Variants in GRID2 observed in about 807,000 individuals in gnomAD.
GRID2 encodes glutamate receptor ionotropic, delta-2.
GRID2 carries 33 observed loss-of-function variants against 114.8 expected under a neutral mutation model. The ratio of observed to expected loss-of-function variants is 0.29; its 90% CI spans 0.22 to 0.38. The LOEUF is 0.38. GRID2 is among the 10% of genes least tolerant of loss of function. The pLI is 1.00. For synonymous variants in GRID2, 505 were observed against 449.9 expected (o/e 1.12, Z -1.55); for missense variants, 1,184 against 1,257.7 (o/e 0.94, Z 0.89).
chr4:92,825,250 A>T (rs1741606619), intron 2 of GRID2, among the ~76,000 whole-genome samples: 1 of 152,140 alleles, frequency 6.6e-6, no homozygotes, highest in African/African-American at 2.4e-5. Context: ...CATCCTATGA[A>T]CTCAAGGATG....
At chr4:92,703,204 A>C (rs1734768290) in intron 2 of GRID2, among the ~76,000 whole-genome samples, 1 of 152,218 alleles carries the variant, frequency 6.6e-6, no homozygotes. Flanking sequence ...AAATAAATGT[A>C]ATCTGAATAC....
At chr4:93,782,435 A>G (rs111860023) in intron 1 of GRID2, among the ~76,000 whole-genome samples, 143 of 152,316 alleles carry the variant, frequency 9.4e-4, no homozygotes, top group African/African-American at 3.3e-3. Context: ...CTGTAATTGT[A>G]TGCTTTTAGT....
At chr4:92,855,614 T>C (rs949357674) in intron 2 of GRID2, among the ~76,000 whole-genome samples, 4 of 151,902 alleles carry the variant, frequency 2.6e-5, no homozygotes, top group African/African-American at 9.7e-5. Flanking sequence ...TACTATACAC[T>C]AGTGTAATGG....
intron 2 of GRID2, among the ~76,000 whole-genome samples, chr4:92,921,056 CT>C (rs925348328): frequency 1.3e-5 from 2 of 151,984 alleles, no homozygotes; most frequent in East Asian, 1.9e-4. Context: ...TCTTTTTATT[CT>C]TTTTTTCTCT....
At chr4:93,381,767 T>C (rs978152297) in intron 8 of GRID2, among the ~76,000 whole-genome samples, 2 of 152,150 alleles carry the variant, frequency 1.3e-5, no homozygotes, top group African/African-American at 4.8e-5. Context: ...TTTAAATATA[T>C]CAGTTTCTTG....
At chr4:93,029,868 G>C (rs899410761) in intron 2 of GRID2, among the ~76,000 whole-genome samples, 2 of 152,164 alleles carry the variant, frequency 1.3e-5, no homozygotes, top group African/African-American at 4.8e-5. Context: ...CTTACTGGGA[G>C]AGTGTGATAA....
chr4:93,657,128 A>G (rs1462891814), intron 14 of GRID2, among the ~76,000 whole-genome samples: 7 of 152,140 alleles, frequency 4.6e-5, no homozygotes, highest in Non-Finnish European at 1.0e-4. Context: ...ACATCTATTT[A>G]AGAATAAGAA....
At chr4:93,320,587 A>G (rs1036902992) in intron 8 of GRID2, among the ~76,000 whole-genome samples, 2 of 152,110 alleles carry the variant, frequency 1.3e-5, no homozygotes, top group African/African-American at 4.8e-5. Flanking sequence ...TCTAAGGACT[A>G]TCTATGGACT....
chr4:92,410,908 C>T (rs953023290), intron 1 of GRID2, among the ~76,000 whole-genome samples: 1 of 117,894 alleles, frequency 8.5e-6, no homozygotes, highest in Non-Finnish European at 1.6e-5. Context: ...AGATTATAAA[C>T]AGTCTCACCT....
chr4:93,608,100 A>G (rs1578383524), intron 13 of GRID2, among the ~76,000 whole-genome samples: 1 of 136,302 alleles, frequency 7.3e-6, no homozygotes, highest in Non-Finnish European at 1.6e-5. Flanking sequence ...ACATATATGT[A>G]TATATACACA....
intron 13 of GRID2, among the ~76,000 whole-genome samples, chr4:93,560,843 G>T (rs1228495592): frequency 7.2e-5 from 11 of 151,888 alleles, no homozygotes; most frequent in Non-Finnish European, 1.6e-4. Flanking sequence ...GTTTTCTTTA[G>T]ATATTTTACC....
At chr4:92,688,153 G>T (rs1044422555) in intron 2 of GRID2, among the ~76,000 whole-genome samples, 1 of 145,016 alleles carries the variant, frequency 6.9e-6, no homozygotes, top group East Asian at 2.2e-4. Context: ...GGGTTCAAGC[G>T]CTTCTCCTGC....
intron 1 of GRID2, among the ~76,000 whole-genome samples, chr4:92,458,945 A>G (rs369034388): frequency 1.3e-5 from 2 of 152,192 alleles, no homozygotes; most frequent in African/African-American, 4.8e-5. Context: ...TGATCCCACA[A>G]CAGGAGATGA....
chr4:92,803,444 A>T (rs1192462598), intron 2 of GRID2, among the ~76,000 whole-genome samples: 6 of 152,012 alleles, frequency 3.9e-5, no homozygotes, highest in Admixed American at 2.0e-4. Context: ...AAGAAAATAT[A>T]TTATTTTGAT....
At chr4:92,406,879 G>T (rs904668442) in intron 1 of GRID2, among the ~76,000 whole-genome samples, 1 of 151,966 alleles carries the variant, frequency 6.6e-6, no homozygotes, top group African/African-American at 2.4e-5. Flanking sequence ...CAAAGGGCAT[G>T]ATTTTGTTCT....
chr4:93,533,073 T>TA (rs1348821458), intron 13 of GRID2, among the ~76,000 whole-genome samples: 1 of 152,192 alleles, frequency 6.6e-6, no homozygotes, highest in Non-Finnish European at 1.5e-5. Flanking sequence ...TATTCTCTAT[T>TA]AGTCATCCAG....
chr4:93,151,457 AGCAATAAGGGCAGAAATTAGACACC>A (rs1425686856), intron 4 of GRID2, among the ~76,000 whole-genome samples: 4 of 152,190 alleles, frequency 2.6e-5, no homozygotes, highest in African/African-American at 9.6e-5. Flanking sequence ...ACTTCAAACC[AGCAATAAGGGCAGAAATTAGACACC>A]GCCTTCTTTA....
chr4:92,438,724 C>T (rs1732860056), intron 1 of GRID2, among the ~76,000 whole-genome samples: 1 of 152,064 alleles, frequency 6.6e-6, no homozygotes, highest in Non-Finnish European at 1.5e-5. Context: ...GAATCCCAGT[C>T]GTTCTAGGAG....
Position 93,695,289 on chromosome 4 carries a change from T to C in GRID2, c.2360+68854T>C, listed in dbSNP as rs80273732. ...GCCTCAACCTCGTGTATTTTTTAAT[T>C]CATCCAGAATTTACCTAATACTCAT... On this transcript the variant is annotated intron_variant, in intron 14 of 15. Transcript: ENST00000282020. Among the ~76,000 whole-genome samples, 1,354 of 152,304 alleles carry C rather than the reference T, an allele frequency of 8.9e-3. 27 individuals are homozygous for C. Among genetic ancestry groups the C allele is most frequent in the African/African-American group, 0.031 (1,277 of 41,556 alleles).
Sources: allele counts gnomAD v4.1 joint callset (sites outside exome capture counted in the v4.1 genomes callset), GRCh38; gene constraint gnomAD v4.1.1; transcripts MANE v1.5; gene names NCBI Gene and HGNC (gene_info 2026-07-23, HGNC 2026-07-21).